The following CSMD1 variants were observed in gnomAD, a reference collection of about 807,000 sequenced individuals.
CSMD1 encodes the protein CUB and Sushi multiple domains 1.
CSMD1 carries 213 observed loss-of-function variants against 417.5 expected under a neutral mutation model. The ratio of observed to expected loss-of-function variants is 0.51; its 90% CI spans 0.46 to 0.57. The LOEUF (loss-of-function observed/expected upper bound fraction) is 0.57. Among genes scored for constraint, CSMD1 ranks in the 20% least tolerant of loss-of-function variants. The pLI is 0.00. For synonymous variants in CSMD1, 2,862 were observed against 1,736.8 expected, an observed-to-expected ratio of 1.65 and a Z score of -16.11; for missense variants, 6,923 against 4,529.7, an observed-to-expected ratio of 1.53 and a Z score of -15.17.
intron 41 of CSMD1, among the ~76,000 whole-genome samples, chr8:3,119,818 C>T (rs1054829195): frequency 6.6e-6 from 1 of 152,122 alleles, no homozygotes; most frequent in African/African-American, 2.4e-5. Context: ...GGGGAACCTC[C>T]GCCCTGCCAT....
intron 1 of CSMD1, among the ~76,000 whole-genome samples, chr8:4,799,171 A>G (rs138006241): frequency 3.9e-4 from 60 of 152,292 alleles, no homozygotes; most frequent in African/African-American, 1.4e-3. Flanking sequence ...TAAAGTCACT[A>G]CATGACAGGC....
chr8:3,416,817 G>T (rs1041532252), intron 12 of CSMD1, among the ~76,000 whole-genome samples: 1 of 152,220 alleles, frequency 6.6e-6, no homozygotes. Flanking sequence ...TCCACAAGTA[G>T]ATGAGAACTC....
chr8:4,142,047 T>A (rs1803823245), intron 3 of CSMD1, among the ~76,000 whole-genome samples: 1 of 134,312 alleles, frequency 7.4e-6, no homozygotes. Flanking sequence ...TTTTAAATGT[T>A]TGAATATATA....
chr8:3,186,865 G>A (rs941147927), intron 36 of CSMD1, among the ~76,000 whole-genome samples: 1 of 152,176 alleles, frequency 6.6e-6, no homozygotes, highest in Non-Finnish European at 1.5e-5. Flanking sequence ...AACAGAGATA[G>A]CAATAATCCC....
At chr8:4,101,411 G>T (rs748797719) in intron 3 of CSMD1, among the ~76,000 whole-genome samples, 3 of 152,062 alleles carry the variant, frequency 2.0e-5, no homozygotes, top group East Asian at 3.9e-4. Flanking sequence ...GGTTGGGCAG[G>T]TGAATATTTT....
At chr8:4,152,304 T>C (rs1271202353) in intron 3 of CSMD1, among the ~76,000 whole-genome samples, 7 of 152,196 alleles carry the variant, frequency 4.6e-5, no homozygotes, top group Admixed American at 3.3e-4. Context: ...CTTCCAGTTA[T>C]AAATCAGCTT....
intron 1 of CSMD1, among the ~76,000 whole-genome samples, chr8:4,656,802 C>G (rs549777233): frequency 6.6e-6 from 1 of 152,182 alleles, no homozygotes; most frequent in African/African-American, 2.4e-5. Context: ...TGCGGGGATT[C>G]TCGGTGTAAA....
At chr8:4,618,979 G>C (rs1274394510) in intron 2 of CSMD1, among the ~76,000 whole-genome samples, 1 of 152,158 alleles carries the variant, frequency 6.6e-6, no homozygotes, top group Admixed American at 6.6e-5. Flanking sequence ...AGAAGCTTCA[G>C]TAATACCAGA....
chr8:3,567,259 G>T (rs1360211393), intron 10 of CSMD1, among the ~76,000 whole-genome samples: 2 of 151,930 alleles, frequency 1.3e-5, no homozygotes, highest in African/African-American at 4.8e-5. Context: ...TGGTCACTAG[G>T]AACTACTGGA....
At chr8:3,385,941 C>T (rs1810977740) in intron 18 of CSMD1, among the ~76,000 whole-genome samples, 1 of 152,054 alleles carries the variant, frequency 6.6e-6, no homozygotes, top group African/African-American at 2.4e-5. Context: ...TTTCTGCCAC[C>T]ATCTGTGATT....
At chr8:4,495,407 C>G (rs1018014333) in intron 2 of CSMD1, among the ~76,000 whole-genome samples, 2 of 152,084 alleles carry the variant, frequency 1.3e-5, no homozygotes, top group Non-Finnish European at 2.9e-5. Context: ...AACCCCATCT[C>G]TACTAAAAAT....
intron 2 of CSMD1, among the ~76,000 whole-genome samples, chr8:4,443,985 T>C (rs1174816582): frequency 6.6e-6 from 1 of 152,142 alleles, no homozygotes; most frequent in Non-Finnish European, 1.5e-5. Context: ...GGTGAAAATG[T>C]ACAAACGGAG....
At chr8:3,513,421 G>A (rs1797160577) in intron 10 of CSMD1, among the ~76,000 whole-genome samples, 1 of 151,340 alleles carries the variant, frequency 6.6e-6, no homozygotes, top group South Asian at 2.1e-4. Flanking sequence ...CTGCCTCCCA[G>A]GATCAAGCAT....
intron 3 of CSMD1, among the ~76,000 whole-genome samples, chr8:4,230,829 T>C (rs1801677487): frequency 6.6e-6 from 1 of 152,200 alleles, no homozygotes; most frequent in African/African-American, 2.4e-5. Flanking sequence ...TGTCACAATG[T>C]ATTTTTTGTG....
At chr8:3,735,751 C>G (rs1035091169) in intron 6 of CSMD1, among the ~76,000 whole-genome samples, 1 of 152,180 alleles carries the variant, frequency 6.6e-6, no homozygotes, top group African/African-American at 2.4e-5. Flanking sequence ...ACACCTCTAG[C>G]CTTTACAATG....
chr8:3,322,147 A>C (rs1468664729), intron 23 of CSMD1, among the ~76,000 whole-genome samples: 2 of 152,236 alleles, frequency 1.3e-5, no homozygotes, highest in Non-Finnish European at 2.9e-5. Flanking sequence ...GGTCATAATG[A>C]GTTTGAGGAT....
intron 37 of CSMD1, among the ~76,000 whole-genome samples, chr8:3,167,059 G>T (rs1019602924): frequency 1.3e-5 from 2 of 152,278 alleles, no homozygotes; most frequent in African/African-American, 2.4e-5. Context: ...GGCCAAGGCA[G>T]GTGGATCACA....
chr8:2,972,329 G>C (rs1804530439), intron 57 of CSMD1, among the ~76,000 whole-genome samples: 1 of 152,198 alleles, frequency 6.6e-6, no homozygotes, highest in Non-Finnish European at 1.5e-5. Context: ...TGGTTGGAAA[G>C]TGTTTCATAC....
chr8:4,185,613 T>A (rs142735609), intron 3 of CSMD1, among the ~76,000 whole-genome samples: 1 of 152,184 alleles, frequency 6.6e-6, no homozygotes, highest in South Asian at 2.1e-4. Flanking sequence ...ATTTATGAAA[T>A]TGCACGTTAT....
Sources: gnomAD v4.1 joint callset for allele counts (sites outside exome capture counted in the v4.1 genomes callset) on GRCh38, gnomAD v4.1.1 for gene constraint, MANE v1.5 for transcripts, NCBI Gene and HGNC (gene_info 2026-07-23, HGNC 2026-07-21) for gene names.